AFAP1: variants seen among roughly 807,000 people sequenced by gnomAD.
The protein encoded by AFAP1 is actin filament associated protein 1, also known as actin filament-associated protein 1.
A neutral mutation model predicts 93.9 loss-of-function variants in AFAP1; 75 were observed. That is an observed-to-expected ratio of 0.80 (90% confidence interval 0.66 to 0.97). AFAP1 has a LOEUF of 0.97. Among genes scored for constraint, AFAP1 ranks in the 50% least tolerant of loss-of-function variants. AFAP1 has a pLI of 0.00. For missense variants in AFAP1, 1,201 were observed against 1,050.8 expected (o/e 1.14, Z -1.98); for synonymous variants, 517 against 430.7 (o/e 1.20, Z -2.48).
chr4:7,821,498 T>C (rs946490899), intron 6 of AFAP1, among the ~76,000 whole-genome samples: 2 of 152,122 alleles, frequency 1.3e-5, no homozygotes, highest in Admixed American at 6.5e-5. Context: ...CTCCAACCCC[T>C]ACTGAGCTCA....
intron 9 of AFAP1, among the ~76,000 whole-genome samples, chr4:7,804,481 G>GAGAAGATCTCA: frequency 1.3e-5 from 2 of 152,162 alleles, no homozygotes; most frequent in South Asian, 4.2e-4. Context: ...AGAGGATCAT[G>GAGAAGATCTCA]CTAGAAATAG....
intron 4 of AFAP1, among the ~76,000 whole-genome samples, chr4:7,852,242 C>T (rs1400220710): frequency 6.6e-6 from 1 of 152,158 alleles, no homozygotes; most frequent in East Asian, 1.9e-4. Flanking sequence ...GGAGCCTCCT[C>T]CCACTATTAC....
intron 4 of AFAP1, among the ~76,000 whole-genome samples, chr4:7,846,518 AG>A (rs1311602239): frequency 1.3e-5 from 2 of 152,236 alleles, no homozygotes; most frequent in Non-Finnish European, 2.9e-5. Flanking sequence ...AGCGGCCTGG[AG>A]GACCACACAG....
intron 1 of AFAP1, among the ~76,000 whole-genome samples, chr4:7,898,631 T>G (rs905700109): frequency 6.2e-5 from 9 of 145,288 alleles, no homozygotes; most frequent in Non-Finnish European, 1.2e-4. Context: ...TTATTTCAAA[T>G]TCAAGAGTTA....
rs191972806 is a variant in AFAP1, at chr4:7,865,390, T to C, written c.225+3232A>G. ...AATTCCAACACTTAAATCATTCACTTAAATTTAACATATTTAAAGCACATG... is the reference window on the plus strand; with the variant it reads ...AATTCCAACACTTAAATCATTCACTCAAATTTAACATATTTAAAGCACATG... On this transcript the variant is annotated intron_variant, in intron 3 of 17. Transcript: ENST00000420658. 8.7e-4 allele frequency among the ~76,000 whole-genome samples: 133 copies of C among 152,352 alleles called. 1 individual carries two copies. Among genetic ancestry groups the C allele is most frequent in the African/African-American group, 3.1e-3 (127 of 41,580 alleles).
intron 1 of AFAP1, among the ~76,000 whole-genome samples, chr4:7,894,091 A>G (rs1482645469): frequency 2.0e-5 from 3 of 152,184 alleles, no homozygotes; most frequent in African/African-American, 7.2e-5. Context: ...AAGTTCAAAA[A>G]TATCTGAAAT....
At chr4:7,825,954 TAA>T (rs56032709) in intron 6 of AFAP1, among the ~76,000 whole-genome samples, 2 of 133,746 alleles carry the variant, frequency 1.5e-5, no homozygotes, top group Non-Finnish European at 1.6e-5. Flanking sequence ...TGGATATGCT[TAA>T]AAAAAAAAAA....
intron 1 of AFAP1, among the ~76,000 whole-genome samples, chr4:7,879,049 A>G (rs1717686159): frequency 1.3e-5 from 2 of 152,178 alleles, no homozygotes; most frequent in East Asian, 3.8e-4. Flanking sequence ...TAGTTCTTAC[A>G]CTAAAAAATG....
intron 15 of AFAP1, chr4:7,774,108 A>C (rs6818578): frequency 0.27 from 41,660 of 152,456 alleles, 6,061 homozygotes; most frequent in African/African-American, 0.36. Context: ...CCCCAGGCTC[A>C]GGAGCTGAGC....
Position 7,786,314 on chromosome 4 carries a change from G to C in AFAP1, c.1413-3C>G. ...ATATAACACGCCTGTTCATGAAACTGAAAGAAAGGAAATGCGTTAAAATCC... is the reference window on the plus strand; with the variant it reads ...ATATAACACGCCTGTTCATGAAACTCAAAGAAAGGAAATGCGTTAAAATCC... On this transcript the variant is annotated splice_region_variant and splice_polypyrimidine_tract_variant and intron_variant, in intron 11 of 17. Transcript: ENST00000420658. 2.5e-6 allele frequency: 4 copies of C among 1,608,920 alleles called. No homozygotes were observed. The highest frequency in any genetic ancestry group is 3.4e-6 in the Non-Finnish European group (4 of 1,175,400).
chr4:7,865,012 A>G lies in AFAP1; in HGVS notation c.225+3610T>C, dbSNP rs144868113. Among the ~76,000 whole-genome samples the G allele has an allele frequency of 1.9e-3, 297 of 152,322 alleles. 1 individual carries two copies. The highest frequency in any genetic ancestry group is 6.8e-3 in the African/African-American group (283 of 41,566). On this transcript the variant is annotated intron_variant, in intron 3 of 17. Transcript: ENST00000420658. ...CAAAAGTACCTTAAAAAGCTATACA[A>G]TTAGATGTGGGGACATCAACTATTA...
chr4:7,843,360 A>T lies in AFAP1; in HGVS notation c.335-10T>A. On this transcript the variant is annotated splice_polypyrimidine_tract_variant and intron_variant, in intron 4 of 17. Transcript: ENST00000420658. ...GCATCGGAATCATAATCTGTAAAAA[A>T]TAAACATACACTGGTAAAAAGGACT... is the stretch of plus-strand genomic sequence containing the variant. 6.2e-7 allele frequency: 1 copy of T among 1,605,878 alleles called. No homozygotes were observed. Among genetic ancestry groups the T allele is most frequent in the Non-Finnish European group, 8.5e-7 (1 of 1,175,364 alleles).
chr4:7,850,307 G>C (rs551621659), intron 4 of AFAP1, among the ~76,000 whole-genome samples: 20 of 152,152 alleles, frequency 1.3e-4, no homozygotes, highest in Non-Finnish European at 2.8e-4. Flanking sequence ...ATCCAACATC[G>C]GGGCCTGAGG....
At chr4:7,903,507 C>A (rs564163968) in intron 1 of AFAP1, among the ~76,000 whole-genome samples, 1 of 152,106 alleles carries the variant, frequency 6.6e-6, no homozygotes, top group Non-Finnish European at 1.5e-5. Flanking sequence ...GGGGAAACCC[C>A]GTCTCTACTA....
At chr4:7,789,262 G>A (rs1057402684) in intron 11 of AFAP1, among the ~76,000 whole-genome samples, 1 of 152,156 alleles carries the variant, frequency 6.6e-6, no homozygotes, top group Non-Finnish European at 1.5e-5. Flanking sequence ...TGAAGTAAGA[G>A]GCCACATGCC....
chr4:7,904,717 TG>T, intron 1 of AFAP1, among the ~76,000 whole-genome samples: 1 of 152,192 alleles, frequency 6.6e-6, no homozygotes, highest in Non-Finnish European at 1.5e-5. Flanking sequence ...TTTGTTTGTT[TG>T]TTTTGTTTTA....
At chr4:7,786,058 A>T in intron 12 of AFAP1, 136 bp downstream of exon 12, 1 of 712,300 alleles carries the variant, frequency 1.4e-6, no homozygotes, top group Non-Finnish European at 2.4e-6. Context: ...AACAGAGATG[A>T]GATGGAGTCT....
chr4:7,893,849 C>T (rs568567988), intron 1 of AFAP1, among the ~76,000 whole-genome samples: 58 of 152,276 alleles, frequency 3.8e-4, no homozygotes, highest in African/African-American at 1.3e-3. Flanking sequence ...GACTTTGGTA[C>T]ACCAGGGCGA....
At chr4:7,823,710 A>G (rs1721178270) in intron 6 of AFAP1, among the ~76,000 whole-genome samples, 1 of 152,192 alleles carries the variant, frequency 6.6e-6, no homozygotes, top group South Asian at 2.1e-4. Flanking sequence ...AGAATGGGGA[A>G]CACAGACAAG....
Sources: allele counts gnomAD v4.1 joint callset (sites outside exome capture counted in the v4.1 genomes callset), GRCh38; gene constraint gnomAD v4.1.1; transcripts MANE v1.5; gene names NCBI Gene and HGNC (gene_info 2026-07-23, HGNC 2026-07-21).